The following WWP1 variants were observed in gnomAD, a reference collection of about 807,000 sequenced individuals.
WWP1 encodes NEDD4-like E3 ubiquitin-protein ligase WWP1.
Under a neutral mutation model 130.6 loss-of-function variants are expected in WWP1, and 49 were observed. That is an observed-to-expected ratio of 0.38 (90% CI 0.30 to 0.48). WWP1 has a LOEUF of 0.48. WWP1 is among the 20% of genes least tolerant of loss of function. The probability of loss-of-function intolerance (pLI) is 0.99; values close to 1 mark genes in which losing one functional copy is unlikely to be tolerated. For missense variants in WWP1, 809 were observed against 1,100.6 expected, an observed-to-expected ratio of 0.74 and a Z score of 3.75; for synonymous variants, 332 against 367.8, an observed-to-expected ratio of 0.90 and a Z score of 1.11.
At chr8:86,435,935 A>G (rs928663093) in intron 16 of WWP1, among the ~76,000 whole-genome samples, 1 of 152,038 alleles carries the variant, frequency 6.6e-6, no homozygotes, top group Non-Finnish European at 1.5e-5. Flanking sequence ...CTGGGCTCGA[A>G]CGATCTACCC....
chr8:86,356,678 T>G (rs886552143), intron 1 of WWP1, among the ~76,000 whole-genome samples: 2 of 152,166 alleles, frequency 1.3e-5, no homozygotes, highest in African/African-American at 4.8e-5. Context: ...GGTTAAAAAT[T>G]GGAATAGTTG....
chr8:86,423,539 G>A lies in WWP1; in HGVS notation c.1062-1684G>A, dbSNP rs2130631995. Among the ~76,000 whole-genome samples the A allele has an allele frequency of 1.3e-5, 2 of 152,268 alleles. 1 individual carries two copies. The highest frequency in any genetic ancestry group is 4.1e-4 in the South Asian group (2 of 4,832). ...CATGTTTCAGAGAGCACAGGGTTGG[G>A]GGCAAGGTCATAGATCAACAGCATC... On this transcript the variant is annotated intron_variant, in intron 9 of 24. Coordinates refer to ENST00000517970, the MANE Select transcript of WWP1 (RefSeq NM_007013.4).
intron 1 of WWP1, among the ~76,000 whole-genome samples, chr8:86,348,704 G>T (rs1013208619): frequency 3.9e-5 from 6 of 152,186 alleles, no homozygotes; most frequent in African/African-American, 1.4e-4. Flanking sequence ...ATCTTCTCAG[G>T]TTGTAATTTT....
chr8:86,358,574 C>G (rs1351254680), intron 1 of WWP1, among the ~76,000 whole-genome samples: 1 of 151,768 alleles, frequency 6.6e-6, no homozygotes, highest in Non-Finnish European at 1.5e-5. Flanking sequence ...CTCAAGTTCC[C>G]CAGGCTCAAG....
rs1808400566 is a variant in WWP1, at chr8:86,408,450, C to G, written c.725-3088C>G. Among the ~76,000 whole-genome samples the G allele has an allele frequency of 2.0e-5, 3 of 152,192 alleles. No homozygotes were observed. In the East Asian group the frequency reaches 5.8e-4, roughly 29 times the overall value. On this transcript the variant is annotated intron_variant, in intron 8 of 24. Transcript: ENST00000517970. ...CAAACTGTCTTCCAAAGTGGCTGTA[C>G]TCCTGCATTCCCACTGCAGTGAATG...
chr8:86,433,832 C>G (rs1158491040), intron 14 of WWP1, among the ~76,000 whole-genome samples: 1 of 152,006 alleles, frequency 6.6e-6, no homozygotes, highest in Admixed American at 6.5e-5. Flanking sequence ...GCAGGAGAAT[C>G]GCTTGAACCC....
intron 17 of WWP1, among the ~76,000 whole-genome samples, chr8:86,439,883 A>G (rs1006595666): frequency 3.3e-5 from 5 of 152,228 alleles, no homozygotes; most frequent in Admixed American, 1.3e-4. Context: ...TCAGAGGTGT[A>G]CAGAATTACA....
intron 16 of WWP1, among the ~76,000 whole-genome samples, chr8:86,436,402 CCTT>C (rs1810291468): frequency 6.6e-6 from 1 of 152,114 alleles, no homozygotes. Context: ...CTCAGAGAGA[CCTT>C]CTCTGAGCCT....
intron 3 of WWP1, among the ~76,000 whole-genome samples, chr8:86,379,851 A>G (rs867699344): frequency 6.6e-6 from 1 of 152,178 alleles, no homozygotes; most frequent in Admixed American, 6.5e-5. Context: ...ATCTGAAGAC[A>G]CTTTTCCCTT....
chr8:86,363,808 A>G (rs962238636), intron 1 of WWP1, among the ~76,000 whole-genome samples: 7 of 151,888 alleles, frequency 4.6e-5, no homozygotes, highest in African/African-American at 1.7e-4. Flanking sequence ...AAAAAAAAAA[A>G]AAAAAAGAAA....
intron 9 of WWP1, chr8:86,417,250 G>A (rs1242302141): frequency 1.3e-5 from 2 of 152,122 alleles, no homozygotes; most frequent in Non-Finnish European, 2.9e-5. Flanking sequence ...CAAGCAGAGA[G>A]GGTGGAGCAG....
chr8:86,454,922 G>A (rs908485472), intron 21 of WWP1, among the ~76,000 whole-genome samples: 1 of 152,044 alleles, frequency 6.6e-6, no homozygotes, highest in African/African-American at 2.4e-5. Flanking sequence ...AGAGTGCAGA[G>A]CTGTGTGAGA....
At chr8:86,350,595 G>A (rs941265452) in intron 1 of WWP1, among the ~76,000 whole-genome samples, 2 of 152,188 alleles carry the variant, frequency 1.3e-5, no homozygotes, top group African/African-American at 4.8e-5. Flanking sequence ...AGGGCACAAA[G>A]AAGGGCACGG....
At chr8:86,409,114 G>A (rs1336393892) in intron 8 of WWP1, among the ~76,000 whole-genome samples, 7 of 150,492 alleles carry the variant, frequency 4.7e-5, no homozygotes, top group African/African-American at 1.7e-4. Flanking sequence ...TTCCAATGTT[G>A]TTATGACTTT....
intron 16 of WWP1, among the ~76,000 whole-genome samples, chr8:86,437,842 C>T (rs1810379576): frequency 6.6e-6 from 1 of 152,142 alleles, no homozygotes; most frequent in Non-Finnish European, 1.5e-5. Context: ...CTCTGTCGCC[C>T]AGGCTGGAGT....
chr8:86,395,275 GC>G (rs1807592820), intron 5 of WWP1, among the ~76,000 whole-genome samples: 2 of 152,288 alleles, frequency 1.3e-5, no homozygotes, highest in Admixed American at 1.3e-4. Context: ...CATAAAGGCC[GC>G]ATATGGTTTC....
rs1812242735 is a variant in WWP1 at position 86,467,507 on chromosome 8, G to T, written c.*614G>T. 6.6e-6 allele frequency: 1 copy of T among 151,996 alleles called. No homozygotes were observed. The highest frequency in any genetic ancestry group is 2.4e-5 in the African/African-American group (1 of 41,248). 9.4% of individuals were successfully genotyped at this position (151,996 alleles called of 1,614,324 possible). On this transcript the variant is annotated 3_prime_UTR_variant, in exon 25 of 25. Coordinates refer to ENST00000517970, the MANE Select transcript of WWP1 (RefSeq NM_007013.4). ...TTTTCTCTGTTACATCAGTAATATT[G>T]TTAAAGTAATGGATAGAACCATAAC...
intron 5 of WWP1, 29 bp downstream of exon 5, chr8:86,381,658 C>T: frequency 6.5e-7 from 1 of 1,547,724 alleles, no homozygotes; most frequent in Middle Eastern, 1.7e-4. Context: ...CCTTTATTTC[C>T]TTATAAGTTT....
chr8:86,376,001 C>T (rs1202194611), intron 3 of WWP1, among the ~76,000 whole-genome samples: 1 of 152,186 alleles, frequency 6.6e-6, no homozygotes, highest in Non-Finnish European at 1.5e-5. Context: ...TAGCATTTCT[C>T]TCACTGTAAG....
Sources: gnomAD v4.1 joint callset for allele counts (sites outside exome capture counted in the v4.1 genomes callset) on GRCh38, gnomAD v4.1.1 for gene constraint, MANE v1.5 for transcripts, NCBI Gene and HGNC (gene_info 2026-07-23, HGNC 2026-07-21) for gene names.